MCU: variants seen among roughly 807,000 people sequenced by gnomAD.
The protein encoded by MCU is mitochondrial calcium uniporter, also known as calcium uniporter protein, mitochondrial.
In MCU, 12 loss-of-function variants were observed where a neutral mutation model predicts 45.2. The ratio of observed to expected loss-of-function variants is 0.27; its 90% CI spans 0.17 to 0.43. The LOEUF is 0.43. Ranked by LOEUF, MCU falls within the 20% of genes least tolerant of loss-of-function variation. The probability of loss-of-function intolerance (pLI) is 1.00; values close to 1 mark genes in which losing one functional copy is unlikely to be tolerated. For missense variants in MCU, 324 were observed against 436.7 expected (o/e 0.74, Z 2.30); for synonymous variants, 160 against 165.1 (o/e 0.97, Z 0.24).
chr10:72,873,298 G>A (rs992092479), intron 6 of MCU, among the ~76,000 whole-genome samples: 30 of 152,172 alleles, frequency 2.0e-4, no homozygotes, highest in Admixed American at 7.2e-4. Context: ...GATTACAGGC[G>A]TGAGCGACCG....
chr10:72,878,255 CT>C (rs1845648039), intron 6 of MCU, among the ~76,000 whole-genome samples: 2 of 151,054 alleles, frequency 1.3e-5, no homozygotes, highest in South Asian at 4.2e-4. Flanking sequence ...GTAGCTGGGA[CT>C]ACAAGCACAT....
At chr10:72,864,007 G>A (rs1388870686) in intron 4 of MCU, among the ~76,000 whole-genome samples, 2 of 152,162 alleles carry the variant, frequency 1.3e-5, no homozygotes, top group African/African-American at 4.8e-5. Context: ...TACAGACCAT[G>A]CATGATGCCA....
At chr10:72,837,961 A>G (rs1198027554) in intron 2 of MCU, among the ~76,000 whole-genome samples, 1 of 148,298 alleles carries the variant, frequency 6.7e-6, no homozygotes, top group Non-Finnish European at 1.5e-5. Context: ...GGTTCAAGTG[A>G]TTCTCCTGCC....
At chr10:72,764,613 TGGG>T (rs1285286025) in intron 1 of MCU, among the ~76,000 whole-genome samples, 1 of 152,190 alleles carries the variant, frequency 6.6e-6, no homozygotes, top group African/African-American at 2.4e-5. Flanking sequence ...ACTTTTTCAT[TGGG>T]AAGACTATGC....
At chr10:72,826,410 A>G (rs1844799251) in intron 1 of MCU, among the ~76,000 whole-genome samples, 1 of 152,230 alleles carries the variant, frequency 6.6e-6, no homozygotes, top group Non-Finnish European at 1.5e-5. Flanking sequence ...TATTTTTAAA[A>G]GTGCTTTGTA....
At chr10:72,793,289 C>T (rs1844195405) in intron 1 of MCU, among the ~76,000 whole-genome samples, 1 of 152,086 alleles carries the variant, frequency 6.6e-6, no homozygotes, top group South Asian at 2.1e-4. Flanking sequence ...AAAATAAAGT[C>T]ACAGATGAGA....
At chr10:72,704,290 CTTGGTGA>C (rs1842792845) in intron 1 of MCU, among the ~76,000 whole-genome samples, 1 of 152,168 alleles carries the variant, frequency 6.6e-6, no homozygotes, top group African/African-American at 2.4e-5. Context: ...ACTGATAGAA[CTTGGTGA>C]TTGAATGTAG....
chr10:72,842,219 T>C (rs1845058714), intron 2 of MCU, among the ~76,000 whole-genome samples: 1 of 152,196 alleles, frequency 6.6e-6, no homozygotes, highest in African/African-American at 2.4e-5. Context: ...AGTATCTCTG[T>C]AGGCCAGTCA....
chr10:72,775,976 G>C (rs926091762), intron 1 of MCU, among the ~76,000 whole-genome samples: 1 of 152,064 alleles, frequency 6.6e-6, no homozygotes, highest in African/African-American at 2.4e-5. Context: ...ACCAGCCTGG[G>C]CAACATAGTG....
At chr10:72,792,265 T>C (rs1009084813) in intron 1 of MCU, among the ~76,000 whole-genome samples, 2 of 152,130 alleles carry the variant, frequency 1.3e-5, no homozygotes, top group African/African-American at 4.8e-5. Flanking sequence ...GACAAAATCA[T>C]ATGTCAATGC....
intron 1 of MCU, among the ~76,000 whole-genome samples, chr10:72,705,435 A>G (rs1316054405): frequency 1.3e-5 from 2 of 151,922 alleles, no homozygotes; most frequent in African/African-American, 2.4e-5. Flanking sequence ...TAATCCCAGC[A>G]CTTTGGGAGG....
In MCU at chr10:72,796,707, T is replaced by C. The variant is rs1357764226; in HGVS notation, c.151-37652T>C. Among the ~76,000 whole-genome samples, 8 of 150,914 alleles carry C rather than the reference T, an allele frequency of 5.3e-5. No homozygotes were observed. In the East Asian group the frequency reaches 9.7e-4, roughly 18 times the overall value. On this transcript the variant is annotated intron_variant, in intron 1 of 7. Coordinates refer to ENST00000373053, the MANE Select transcript of MCU (RefSeq NM_138357.3). ...TTTTAGTTTTTGTTTTTTTTTTTTT[T>C]TGTAGAGATGGGGTCTTGCTATGTT...
intron 1 of MCU, among the ~76,000 whole-genome samples, chr10:72,812,888 A>T (rs1844566826): frequency 6.6e-6 from 1 of 152,180 alleles, no homozygotes; most frequent in Non-Finnish European, 1.5e-5. Context: ...AAAAATATGC[A>T]GCTTGACAAG....
At chr10:72,722,786 C>T (rs1431565858) in intron 1 of MCU, among the ~76,000 whole-genome samples, 2 of 152,078 alleles carry the variant, frequency 1.3e-5, no homozygotes, top group Non-Finnish European at 2.9e-5. Flanking sequence ...TCTTGGGTGA[C>T]ATTTTAAATA....
chr10:72,736,951 C>A (rs1214458544), intron 1 of MCU, among the ~76,000 whole-genome samples: 1 of 152,128 alleles, frequency 6.6e-6, no homozygotes, highest in Admixed American at 6.5e-5. Flanking sequence ...TGGTCGCTTT[C>A]AATGTTTAAA....
intron 4 of MCU, among the ~76,000 whole-genome samples, chr10:72,865,772 T>G (rs539665625): frequency 1.7e-4 from 26 of 150,492 alleles, no homozygotes; most frequent in African/African-American, 4.9e-4. Flanking sequence ...TGTTTTTTTT[T>G]TTGTTTTTTT....
At chr10:72,880,482 G>T (rs186039313) in intron 6 of MCU, among the ~76,000 whole-genome samples, 13 of 151,750 alleles carry the variant, frequency 8.6e-5, no homozygotes, top group Non-Finnish European at 1.8e-4. Flanking sequence ...GCAAAGCGGG[G>T]GGGGGGAAAC....
At chr10:72,818,553 G>C (rs928418205) in intron 1 of MCU, among the ~76,000 whole-genome samples, 1 of 152,074 alleles carries the variant, frequency 6.6e-6, no homozygotes, top group African/African-American at 2.4e-5. Flanking sequence ...AAATAGTACT[G>C]ACTCAACCAG....
At chr10:72,793,811 C>T (rs1844204073) in intron 1 of MCU, among the ~76,000 whole-genome samples, 2 of 152,032 alleles carry the variant, frequency 1.3e-5, no homozygotes, top group South Asian at 2.1e-4. Context: ...TTTTCATGAC[C>T]TAGCTTCAGA....
Sources: gnomAD v4.1 joint callset for allele counts (sites outside exome capture counted in the v4.1 genomes callset) on GRCh38, gnomAD v4.1.1 for gene constraint, MANE v1.5 for transcripts, NCBI Gene and HGNC (gene_info 2026-07-23, HGNC 2026-07-21) for gene names.